ANGPT1: variants seen among roughly 807,000 people sequenced by gnomAD.
The protein encoded by ANGPT1 is angiopoietin-1.
ANGPT1 carries 17 observed loss-of-function variants against 62.2 expected under a neutral mutation model. The observed-to-expected ratio is 0.27, with a 90% CI of 0.19 to 0.41. The LOEUF (loss-of-function observed/expected upper bound fraction) is 0.41. Ranked by LOEUF, ANGPT1 falls within the 10% of genes least tolerant of loss-of-function variation. The pLI is 1.00. For synonymous variants in ANGPT1, 199 were observed against 198.9 expected (o/e 1.00, Z 0.00); for missense variants, 478 against 594.9 (o/e 0.80, Z 2.04).
intron 1 of ANGPT1, among the ~76,000 whole-genome samples, chr8:107,470,899 G>T (rs7459978): frequency 6.6e-6 from 1 of 152,160 alleles, no homozygotes; most frequent in Non-Finnish European, 1.5e-5. Flanking sequence ...GGAAACAACA[G>T]ATGCTGGAGA....
chr8:107,302,740 T>A (rs1472263023), intron 5 of ANGPT1, among the ~76,000 whole-genome samples: 6 of 151,920 alleles, frequency 3.9e-5, no homozygotes, highest in Non-Finnish European at 8.8e-5. Flanking sequence ...ACCCACTCTT[T>A]TATGTAAATA....
chr8:107,436,645 CTACT>C (rs1254426004), intron 1 of ANGPT1, among the ~76,000 whole-genome samples: 4 of 152,180 alleles, frequency 2.6e-5, no homozygotes, highest in African/African-American at 4.8e-5. Flanking sequence ...ACTTCTCATG[CTACT>C]TACTTCCTCT....
At chr8:107,337,555 T>C (rs1035413477) in intron 2 of ANGPT1, among the ~76,000 whole-genome samples, 5 of 152,204 alleles carry the variant, frequency 3.3e-5, no homozygotes, top group African/African-American at 1.2e-4. Flanking sequence ...TCTTTACTCC[T>C]TAAGGGAGGT....
At chr8:107,410,038 A>T (rs1817234770) in intron 1 of ANGPT1, among the ~76,000 whole-genome samples, 2 of 152,138 alleles carry the variant, frequency 1.3e-5, no homozygotes, top group African/African-American at 4.8e-5. Flanking sequence ...TAGGAAAGTT[A>T]TGCCAGACCC....
chr8:107,301,723 C>T (rs1414053156), intron 5 of ANGPT1, among the ~76,000 whole-genome samples: 2 of 151,912 alleles, frequency 1.3e-5, no homozygotes, highest in Non-Finnish European at 2.9e-5. Context: ...CCACTCCACT[C>T]CTACATTTTA....
At position 107,459,613 on chromosome 8, in the gene ANGPT1, A is replaced by C. The variant is rs964153933; in HGVS notation, c.297+37649T>G. 2.0e-5 allele frequency among the ~76,000 whole-genome samples: 3 copies of C among 152,350 alleles called. No homozygotes were observed. The South Asian group carries it at 6.2e-4, about 32-fold the overall frequency. ...TATATGCCCTACTAGCAATGTTTAC[A>C]ACAGTTTTCGTGGTCAGACCTCAAA... On this transcript the variant is annotated intron_variant, in intron 1 of 8. Coordinates refer to ENST00000517746, the MANE Select transcript of ANGPT1 (RefSeq NM_001146.5).
intron 1 of ANGPT1, among the ~76,000 whole-genome samples, chr8:107,386,231 G>A (rs985077198): frequency 2.0e-5 from 3 of 152,008 alleles, no homozygotes; most frequent in Non-Finnish European, 2.9e-5. Context: ...ATAGACAAGA[G>A]GGCCCATTTG....
At chr8:107,281,439 G>T (rs1814000896) in intron 7 of ANGPT1, among the ~76,000 whole-genome samples, 1 of 152,120 alleles carries the variant, frequency 6.6e-6, no homozygotes, top group African/African-American at 2.4e-5. Context: ...GAATTTAGTT[G>T]AATTTGACCA....
chr8:107,262,624 T>C (rs1813520066), intron 8 of ANGPT1, among the ~76,000 whole-genome samples: 1 of 152,114 alleles, frequency 6.6e-6, no homozygotes, highest in Non-Finnish European at 1.5e-5. Flanking sequence ...AATATTAGAT[T>C]TGAACAATTT....
intron 1 of ANGPT1, among the ~76,000 whole-genome samples, chr8:107,483,939 A>G (rs1812750667): frequency 6.6e-6 from 1 of 152,230 alleles, no homozygotes; most frequent in Admixed American, 6.5e-5. Flanking sequence ...AAGTTTTTTA[A>G]GAATTGTGCT....
At chr8:107,412,981 A>C (rs1586300967) in intron 1 of ANGPT1, among the ~76,000 whole-genome samples, 1 of 152,316 alleles carries the variant, frequency 6.6e-6, no homozygotes, top group African/African-American at 2.4e-5. Flanking sequence ...GTGAACAAAC[A>C]GGTGGGAAAA....
At chr8:107,424,431 T>A (rs974880732) in intron 1 of ANGPT1, among the ~76,000 whole-genome samples, 2 of 152,322 alleles carry the variant, frequency 1.3e-5, no homozygotes, top group East Asian at 3.9e-4. Context: ...GATCCTCAAC[T>A]GTAACACGAA....
chr8:107,474,697 C>T (rs1812463883), intron 1 of ANGPT1, among the ~76,000 whole-genome samples: 1 of 152,150 alleles, frequency 6.6e-6, no homozygotes, highest in African/African-American at 2.4e-5. Flanking sequence ...ATTGTCTCAG[C>T]CCAAAATCTC....
intron 5 of ANGPT1, among the ~76,000 whole-genome samples, chr8:107,301,610 C>T (rs529371482): frequency 1.8e-4 from 27 of 151,920 alleles, no homozygotes; most frequent in Non-Finnish European, 4.4e-5. Flanking sequence ...TGTAATCTTG[C>T]ACAGAAATCA....
chr8:107,370,700 C>CA (rs71308729), intron 1 of ANGPT1, among the ~76,000 whole-genome samples: 2,560 of 75,504 alleles, frequency 0.034, 87 homozygotes, highest in African/African-American at 0.08. Flanking sequence ...AAGACTCTGT[C>CA]AAAAAAAAAA....
At chr8:107,486,873 A>G (rs550013884) in intron 1 of ANGPT1, among the ~76,000 whole-genome samples, 1 of 152,312 alleles carries the variant, frequency 6.6e-6, no homozygotes, top group African/African-American at 2.4e-5. Flanking sequence ...AGGCTTCTCA[A>G]CAACAGGGGT....
chr8:107,399,027 C>T (rs1323098965), intron 1 of ANGPT1, among the ~76,000 whole-genome samples: 1 of 152,168 alleles, frequency 6.6e-6, no homozygotes, highest in Non-Finnish European at 1.5e-5. Flanking sequence ...AAAACCCACA[C>T]TTTTCGGAAC....
At chr8:107,291,130 C>T (rs2130167218) in intron 6 of ANGPT1, among the ~76,000 whole-genome samples, 1 of 152,270 alleles carries the variant, frequency 6.6e-6, no homozygotes, top group South Asian at 2.1e-4. Flanking sequence ...TGAAAATAAT[C>T]ATGAATTCAG....
intron 1 of ANGPT1, among the ~76,000 whole-genome samples, chr8:107,393,388 C>T (rs76994507): frequency 0.017 from 2,609 of 152,172 alleles, 33 homozygotes; most frequent in Non-Finnish European, 0.028. Flanking sequence ...CATGACATTA[C>T]ATTTGTTGGA....
Sources: allele counts gnomAD v4.1 joint callset (sites outside exome capture counted in the v4.1 genomes callset), GRCh38; gene constraint gnomAD v4.1.1; transcripts MANE v1.5; gene names NCBI Gene and HGNC (gene_info 2026-07-23, HGNC 2026-07-21).